EPB41L4A: variants seen among roughly 807,000 people sequenced by gnomAD.
The protein encoded by EPB41L4A is erythrocyte membrane protein band 4.1 like 4A.
Under a neutral mutation model 108.6 loss-of-function variants are expected in EPB41L4A, and 100 were observed. The ratio of observed to expected loss-of-function variants is 0.92; its 90% CI spans 0.78 to 1.09. EPB41L4A has a LOEUF of 1.09. Ranked by LOEUF, EPB41L4A falls within the 50% of genes least tolerant of loss-of-function variation. The pLI, the probability that EPB41L4A is intolerant of heterozygous loss-of-function variation, is 0.00. For missense variants in EPB41L4A, 1,030 were observed against 842.7 expected (o/e 1.22, Z -2.75); for synonymous variants, 319 against 289.0 (o/e 1.10, Z -1.05).
intron 15 of EPB41L4A, among the ~76,000 whole-genome samples, chr5:112,200,188 T>C (rs2150284044): frequency 6.6e-6 from 1 of 152,328 alleles, no homozygotes; most frequent in Admixed American, 6.5e-5. Flanking sequence ...CCCAATGCTT[T>C]TGCACATGCT....
At chr5:112,141,937 C>A (rs912908189), downstream of EPB41L4A, among the ~76,000 whole-genome samples, 2 of 152,100 alleles carry the variant, frequency 1.3e-5, no homozygotes, top group Non-Finnish European at 2.9e-5. Flanking sequence ...CCAACAACAC[C>A]GTGAGAACTA....
intron 1 of EPB41L4A, among the ~76,000 whole-genome samples, chr5:112,335,959 C>G (rs939150850): frequency 6.6e-6 from 1 of 152,108 alleles, no homozygotes; most frequent in Non-Finnish European, 1.5e-5. Context: ...AGAAACAGTA[C>G]CGTCCCCCAG....
At chr5:112,172,715 G>A (rs1252277093) in intron 18 of EPB41L4A, among the ~76,000 whole-genome samples, 1 of 152,088 alleles carries the variant, frequency 6.6e-6, no homozygotes, top group Non-Finnish European at 1.5e-5. Flanking sequence ...TGATGGTTCA[G>A]CTGTGACTAT....
chr5:112,142,953 C>T (rs548907566), exon 14 of EPB41L4A: 1 of 152,258 alleles, frequency 6.6e-6, no homozygotes, highest in Admixed American at 6.5e-5. Context: ...AAGAGTGAGC[C>T]ATGAGAGGAT....
chr5:112,259,887 C>G lies in EPB41L4A; in HGVS notation c.731+4G>C. The G allele has an allele frequency of 6.2e-7, 1 of 1,611,394 alleles. No individual in the cohort carries two copies. Among genetic ancestry groups the G allele is most frequent in the South Asian group, 1.1e-5 (1 of 91,012 alleles). On this transcript the variant is annotated splice_donor_region_variant and intron_variant, in intron 8 of 22. Coordinates refer to ENST00000261486, the MANE Select transcript of EPB41L4A (RefSeq NM_022140.5). ...TGCCAACTCTGTTCTCAAGCCATAC[C>G]TACCAGAAATACTTCCCCACTTGCT...
intron 22 of EPB41L4A, among the ~76,000 whole-genome samples, chr5:112,165,324 A>C (rs1303762336): frequency 6.6e-6 from 1 of 152,244 alleles, no homozygotes; most frequent in Non-Finnish European, 1.5e-5. Flanking sequence ...ATACAAAGTT[A>C]GTCTGACATT....
chr5:112,217,817 A>G (rs189182234), intron 12 of EPB41L4A, among the ~76,000 whole-genome samples: 2 of 152,326 alleles, frequency 1.3e-5, no homozygotes, highest in East Asian at 3.9e-4. Context: ...AGATCAAAGA[A>G]GGCATTCTAC....
In EPB41L4A at chr5:112,204,494, G is replaced by C. The variant is rs377132580; in HGVS notation, c.1263-6C>G. ...TGGGAGAATTGTAGAGTCCACTGGA[G>C]AGAAAGAAAAATGGTCAAAAAGAGC... On this transcript the variant is annotated splice_region_variant and splice_polypyrimidine_tract_variant and intron_variant, in intron 14 of 22. Coordinates refer to ENST00000261486, the MANE Select transcript of EPB41L4A (RefSeq NM_022140.5). 1 of 1,596,022 alleles carries C rather than the reference G, an allele frequency of 6.3e-7. No homozygotes were observed. The highest frequency in any genetic ancestry group is 8.6e-7 in the Non-Finnish European group (1 of 1,163,834).
intron 14 of EPB41L4A, 39 bp from the exon 15 acceptor site, chr5:112,204,527 G>A: frequency 7.3e-7 from 1 of 1,364,560 alleles, no homozygotes; most frequent in Non-Finnish European, 1.0e-6. Context: ...AGCCCAGAGA[G>A]TTCCTGGGGG....
rs1207569382 is a variant in EPB41L4A, at chr5:112,339,496, CTA to C, written c.100-32008_100-32007del. The stretch of plus-strand genomic sequence containing the variant: ...TATCTATATATATATATATATATAT[CTA>C]TATATATATATAGATATATAGATAT... On this transcript the variant is annotated intron_variant, in intron 1 of 22. Transcript: ENST00000261486. 1.3e-3 allele frequency among the ~76,000 whole-genome samples: 41 copies of C among 32,296 alleles called. 1 individual carries two copies. Among genetic ancestry groups the C allele is most frequent in the East Asian group, 7.3e-3 (6 of 822 alleles). The allele number at this position is 32,296 out of a possible 152,430, so 21.2% of individuals were successfully genotyped here. A position where few individuals can be genotyped will look rare whatever the true frequency, so the allele number is the denominator to read the frequency against.
intron 9 of EPB41L4A, chr5:112,256,945 C>G (rs533986945): frequency 1.3e-5 from 2 of 152,044 alleles, no homozygotes; most frequent in Non-Finnish European, 2.9e-5. Context: ...ATGTAAACAA[C>G]AGTACTTATT....
chr5:112,389,184 T>C (rs1193646940), intron 1 of EPB41L4A, among the ~76,000 whole-genome samples: 1 of 152,228 alleles, frequency 6.6e-6, no homozygotes, highest in African/African-American at 2.4e-5. Context: ...AGAAAATTAT[T>C]TCATTCAAAA....
At chr5:112,386,201 C>A (rs1760515190) in intron 1 of EPB41L4A, among the ~76,000 whole-genome samples, 1 of 152,152 alleles carries the variant, frequency 6.6e-6, no homozygotes, top group South Asian at 2.1e-4. Context: ...TATGCTGAAT[C>A]CTGGAAATGT....
At chr5:112,266,550 A>G (rs1751875770) in intron 4 of EPB41L4A, among the ~76,000 whole-genome samples, 1 of 152,206 alleles carries the variant, frequency 6.6e-6, no homozygotes, top group South Asian at 2.1e-4. Context: ...TTCAAGTTCA[A>G]CTGCTTGGCT....
intron 18 of EPB41L4A, among the ~76,000 whole-genome samples, chr5:112,174,618 A>C (rs775700263): frequency 6.6e-6 from 1 of 152,172 alleles, no homozygotes; most frequent in Non-Finnish European, 1.5e-5. Flanking sequence ...TCTACAAAGG[A>C]TTTAAACTCC....
chr5:112,201,361 G>C (rs1002518555), intron 15 of EPB41L4A, among the ~76,000 whole-genome samples: 2 of 152,192 alleles, frequency 1.3e-5, no homozygotes, highest in African/African-American at 2.4e-5. Flanking sequence ...TTACTTCTCT[G>C]TGTTTCACAG....
At chr5:112,308,010 C>A (rs2150580897) in intron 1 of EPB41L4A, among the ~76,000 whole-genome samples, 1 of 152,178 alleles carries the variant, frequency 6.6e-6, no homozygotes, top group East Asian at 1.9e-4. Flanking sequence ...TTCTGAAAAG[C>A]CCCTGTGAAG....
At chr5:112,394,900 T>C (rs1761226165) in intron 1 of EPB41L4A, among the ~76,000 whole-genome samples, 3 of 152,076 alleles carry the variant, frequency 2.0e-5, no homozygotes, top group Admixed American at 1.3e-4. Context: ...AACAGAGATA[T>C]AGACCAATGG....
intron 2 of EPB41L4A, among the ~76,000 whole-genome samples, chr5:112,302,759 C>G (rs917031826): frequency 5.9e-5 from 9 of 152,140 alleles, no homozygotes; most frequent in Admixed American, 5.9e-4. Flanking sequence ...ATCTGAGGCT[C>G]AGTCTTTCAA....
Sources: allele counts gnomAD v4.1 joint callset (sites outside exome capture counted in the v4.1 genomes callset), GRCh38; gene constraint gnomAD v4.1.1; transcripts MANE v1.5; gene names NCBI Gene and HGNC (gene_info 2026-07-23, HGNC 2026-07-21).